ARID4B: variants seen among roughly 807,000 people sequenced by gnomAD.
The protein encoded by ARID4B is AT-rich interactive domain-containing protein 4B.
ARID4B carries 26 observed loss-of-function variants against 147.5 expected under a neutral mutation model. The observed-to-expected ratio is 0.18, with a 90% confidence interval of 0.13 to 0.24. The LOEUF is 0.24. ARID4B is among the 10% of genes least tolerant of loss of function. The probability of loss-of-function intolerance (pLI) is 1.00; values close to 1 mark genes in which losing one functional copy is unlikely to be tolerated. For synonymous variants in ARID4B, 512 were observed against 507.9 expected (o/e 1.01, Z -0.11); for missense variants, 1,179 against 1,511.5 (o/e 0.78, Z 3.65).
intron 2 of ARID4B, among the ~76,000 whole-genome samples, chr1:235,325,548 C>T (rs904988088): frequency 6.6e-6 from 1 of 152,138 alleles, no homozygotes; most frequent in Non-Finnish European, 1.5e-5. Context: ...GGCTTCTGAA[C>T]TTATTATTTC....
chr1:235,293,815 AATAT>A (rs34145424), intron 2 of ARID4B, among the ~76,000 whole-genome samples: 5 of 152,074 alleles, frequency 3.3e-5, no homozygotes, highest in African/African-American at 9.7e-5. Context: ...TTAAGCAAAA[AATAT>A]ATATATACCA....
In ARID4B at chr1:235,215,518, T is replaced by C. The variant is rs534337698; in HGVS notation, c.1584-1492A>G. Among the ~76,000 whole-genome samples, 42 of 150,902 alleles carry C rather than the reference T, an allele frequency of 2.8e-4. 1 individual carries two copies. The highest frequency in any genetic ancestry group is 8.8e-4 in the African/African-American group (36 of 41,128). ...ATATTAAGAGTAATGATTATATATA[T>C]ACATATATTACACCATGCACACATA... is the stretch of plus-strand genomic sequence containing the variant. On this transcript the variant is annotated intron_variant, in intron 16 of 23. Transcript: ENST00000264183.
rs1558233362 is a variant in ARID4B at position 235,236,834 on chromosome 1, A to ATATATATATATATATATATATGTGTG, written c.586-2343_586-2342insCACACATATATATATATATATATATA. Among the ~76,000 whole-genome samples, 25 of 21,150 alleles carry ATATATATATATATATATATATGTGTG rather than the reference A, an allele frequency of 1.2e-3. 2 individuals are homozygous for ATATATATATATATATATATATGTGTG. The highest frequency in any genetic ancestry group is 4.0e-3 in the East Asian group (2 of 494). The allele number at this position is 21,150 out of a possible 152,430, so 13.9% of individuals were successfully genotyped here. A position where few individuals can be genotyped will look rare whatever the true frequency, so the allele number is the denominator to read the frequency against. The stretch of plus-strand genomic sequence containing the variant: ...GGCCCACAAAACGGTTTTATAAAAA[A>ATATATATATATATATATATATGTGTG]TATATATATATATATATATATATAT... On this transcript the variant is annotated intron_variant, in intron 8 of 23. Transcript: ENST00000264183.
intron 2 of ARID4B, among the ~76,000 whole-genome samples, chr1:235,308,938 C>T (rs533022668): frequency 9.0e-4 from 136 of 150,642 alleles, no homozygotes; most frequent in Middle Eastern, 3.4e-3. Flanking sequence ...GGCCGCCCAT[C>T]GTCTGGGACG....
At chr1:235,236,833 A>AAAAAAAAAAAATATATATATAT (rs1175189621) in intron 8 of ARID4B, among the ~76,000 whole-genome samples, 4 of 33,520 alleles carry the variant, frequency 1.2e-4, no homozygotes, top group African/African-American at 1.5e-4. Context: ...TTTTATAAAA[A>AAAAAAAAAAAATATATATATAT]ATATATATAT....
At chr1:235,262,011 T>C (rs1572101931) in intron 2 of ARID4B, among the ~76,000 whole-genome samples, 1 of 152,214 alleles carries the variant, frequency 6.6e-6, no homozygotes. Flanking sequence ...AACCCTATAA[T>C]AGAGAAAATG....
chr1:235,205,631 A>G (rs1408242375), intron 17 of ARID4B, among the ~76,000 whole-genome samples: 1 of 152,248 alleles, frequency 6.6e-6, no homozygotes, highest in East Asian at 1.9e-4. Context: ...CATGTATCTG[A>G]TAAGGGAATA....
chr1:235,173,756 AAAAAAAAAAAAAAAAATATAT>A (rs1663555214), intron 22 of ARID4B, among the ~76,000 whole-genome samples: 1 of 44,686 alleles, frequency 2.2e-5, no homozygotes, highest in Non-Finnish European at 3.7e-5. Flanking sequence ...AAAAAAAAAA[AAAAAAAAAAAAAAAAATATAT>A]ATATATATAT....
intron 2 of ARID4B, among the ~76,000 whole-genome samples, chr1:235,281,446 G>A (rs1008299429): frequency 6.7e-6 from 1 of 149,498 alleles, no homozygotes; most frequent in South Asian, 2.3e-4. Context: ...AGCTACACGG[G>A]AGGCTGAGGC....
At chr1:235,271,166 A>C (rs1007551653) in intron 2 of ARID4B, among the ~76,000 whole-genome samples, 3 of 152,110 alleles carry the variant, frequency 2.0e-5, no homozygotes, top group African/African-American at 7.2e-5. Context: ...GAGCCTGGGC[A>C]ACATAGCGAG....
At chr1:235,318,813 C>T (rs1350718277) in intron 2 of ARID4B, among the ~76,000 whole-genome samples, 1 of 151,648 alleles carries the variant, frequency 6.6e-6, no homozygotes, top group Non-Finnish European at 1.5e-5. Flanking sequence ...CCCAGGAGGT[C>T]GATGCTGCAG....
intron 2 of ARID4B, among the ~76,000 whole-genome samples, chr1:235,297,547 A>G (rs755745201): frequency 1.2e-4 from 18 of 152,230 alleles, no homozygotes; most frequent in Non-Finnish European, 2.4e-4. Context: ...AACAATCCTC[A>G]GATGCTGCGA....
intron 2 of ARID4B, among the ~76,000 whole-genome samples, chr1:235,325,573 ACTTTT>A (rs1455592940): frequency 6.6e-6 from 1 of 152,142 alleles, no homozygotes; most frequent in Non-Finnish European, 1.5e-5. Context: ...TCAAACCAAA[ACTTTT>A]CTTAAGAAAT....
intron 8 of ARID4B, among the ~76,000 whole-genome samples, chr1:235,236,328 G>A (rs1175095407): frequency 6.6e-6 from 1 of 151,952 alleles, no homozygotes; most frequent in African/African-American, 2.4e-5. Flanking sequence ...TGAAATGGCT[G>A]ACTAAACAGA....
chr1:235,251,308 A>G (rs953420590), intron 6 of ARID4B, among the ~76,000 whole-genome samples: 1 of 152,144 alleles, frequency 6.6e-6, no homozygotes, highest in Admixed American at 6.5e-5. Context: ...GACATAGAGG[A>G]GGAAGCATTT....
chr1:235,302,149 A>C (rs1242229242), intron 2 of ARID4B, among the ~76,000 whole-genome samples: 7 of 118,356 alleles, frequency 5.9e-5, no homozygotes, highest in Non-Finnish European at 1.1e-4. Context: ...TGTCTCAAAA[A>C]ACGGAAAAAA....
chr1:235,226,702 TTAGTA>T (rs1028593028), intron 11 of ARID4B, among the ~76,000 whole-genome samples: 1 of 152,160 alleles, frequency 6.6e-6, no homozygotes, highest in African/African-American at 2.4e-5. Context: ...TTTGGTGTTT[TTAGTA>T]GAGACAGGGT....
chr1:235,313,548 TCA>T (rs1674227778), intron 2 of ARID4B, among the ~76,000 whole-genome samples: 1 of 152,124 alleles, frequency 6.6e-6, no homozygotes, highest in Non-Finnish European at 1.5e-5. Context: ...CTACACCACA[TCA>T]GAACAGTATT....
intron 2 of ARID4B, among the ~76,000 whole-genome samples, chr1:235,301,530 A>C (rs369101734): frequency 3.5e-5 from 4 of 115,664 alleles, no homozygotes; most frequent in African/African-American, 1.3e-4. Flanking sequence ...GTGAGACCCT[A>C]TTTCTTTTTT....
Sources: allele counts gnomAD v4.1 joint callset (sites outside exome capture counted in the v4.1 genomes callset), GRCh38; gene constraint gnomAD v4.1.1; transcripts MANE v1.5; gene names NCBI Gene and HGNC (gene_info 2026-07-23, HGNC 2026-07-21).